VCAN: variants seen among roughly 807,000 people sequenced by gnomAD.
VCAN encodes the protein versican core protein.
Under a neutral mutation model 245.5 loss-of-function variants are expected in VCAN, and 44 were observed. The ratio of observed to expected loss-of-function variants is 0.18; its 90% CI spans 0.14 to 0.23. The LOEUF is 0.23. VCAN is among the 10% of genes least tolerant of loss of function. VCAN has a pLI of 1.00. For missense variants in VCAN, 3,793 were observed against 4,057.9 expected (o/e 0.93, Z 1.77); for synonymous variants, 1,413 against 1,437.0 (o/e 0.98, Z 0.38).
At chr5:83,556,102 G>T (rs1379041089) in intron 12 of VCAN, among the ~76,000 whole-genome samples, 3 of 152,116 alleles carry the variant, frequency 2.0e-5, no homozygotes, top group Non-Finnish European at 2.9e-5. Context: ...GCTCCATCAT[G>T]GACACACTAC....
At chr5:83,476,425 G>C (rs574220313) in intron 1 of VCAN, among the ~76,000 whole-genome samples, 4 of 152,286 alleles carry the variant, frequency 2.6e-5, no homozygotes, top group African/African-American at 9.6e-5. Flanking sequence ...CACCACCCAC[G>C]TAGAGAAACC....
chr5:83,509,707 A>C (rs1343353676), intron 5 of VCAN, among the ~76,000 whole-genome samples: 2 of 152,178 alleles, frequency 1.3e-5, no homozygotes. Flanking sequence ...CTCAGGGAAA[A>C]CTGTTGGCAC....
intron 7 of VCAN, among the ~76,000 whole-genome samples, chr5:83,530,159 T>G (rs1270472206): frequency 6.6e-6 from 1 of 152,150 alleles, no homozygotes; most frequent in Non-Finnish European, 1.5e-5. Context: ...AAGAGTAGAA[T>G]TTATTAGCTT....
At position 83,542,137 on chromosome 5, in the gene VCAN, C is replaced by G. The variant is rs73148633; in HGVS notation, c.9134C>G (p.Thr3045Arg). The change falls in exon 8 of 15, where the codon ACA (threonine) becomes AGA (arginine). Residue 3045 changes from threonine (T) to arginine (R), a missense_variant. Thr to Arg is a moderately conservative substitution (Grantham distance 71, BLOSUM62 -1). Around this residue, in one of 5 missense-constraint regions of VCAN, gnomAD observed 3,182 missense variants for 3,250.3 expected, o/e 0.98. Coordinates refer to ENST00000265077, the MANE Select transcript of VCAN (RefSeq NM_004385.5). ...ATTCTTGATTCCAATGATCAGGCAA[C>G]AGTAAACCCTGTGGAATTTAATACT... ...ARILDSNDQA[T>R]VNPVEFNTEV... 132 of 1,614,100 alleles carry G rather than the reference C, an allele frequency of 8.2e-5. 1 individual carries two copies. The African/African-American group carries it at 1.7e-3, about 20-fold the overall frequency.
chr5:83,538,156 C>T lies in VCAN; in HGVS notation c.5153C>T (p.Thr1718Ile), dbSNP rs1423113668. 3 of 1,613,744 alleles carry T rather than the reference C, an allele frequency of 1.9e-6. No homozygotes were observed. The highest frequency in any genetic ancestry group is 1.3e-5 in the African/African-American group (1 of 74,882). The change falls in exon 8 of 15, where the codon ACC (threonine) becomes ATC (isoleucine). Residue 1718 changes from threonine to isoleucine, a missense_variant. This residue lies in a region of VCAN where 3,182 missense variants were observed against 3,250.3 expected (regional missense o/e 0.98). Transcript: ENST00000265077. Reference sequence around the variant, plus strand: ...GACACTTCTGAGTGGATTTCCAGTACCACTGTTGAGGAAAAGAAAAGGAAG... The same window carrying T: ...GACACTTCTGAGTGGATTTCCAGTATCACTGTTGAGGAAAAGAAAAGGAAG... ...ETDTSEWISSTTVEEKKRKEE... is the reference protein window; with the variant it reads ...ETDTSEWISSITVEEKKRKEE...
At chr5:83,570,825 C>CT (rs5869186) in intron 12 of VCAN, among the ~76,000 whole-genome samples, 15 of 145,970 alleles carry the variant, frequency 1.0e-4, no homozygotes, top group Non-Finnish European at 1.8e-4. Context: ...TGGACCTTCC[C>CT]TTTTTTTTTT....
At chr5:83,544,834 C>T (rs943290381) in intron 8 of VCAN, 6 of 152,098 alleles carry the variant, frequency 3.9e-5, no homozygotes, top group Admixed American at 6.6e-5. Context: ...CCAGGAGTGT[C>T]GGTTTTATTT....
chr5:83,512,066 A>T (rs767843197), intron 5 of VCAN, 37 bp from the exon 6 acceptor site: 1 of 1,612,766 alleles, frequency 6.2e-7, no homozygotes, highest in South Asian at 1.1e-5. Context: ...AATGAATAAT[A>T]AAACTTTGGG....
At chr5:83,487,592 G>A (rs1364892631) in intron 2 of VCAN, among the ~76,000 whole-genome samples, 2 of 152,084 alleles carry the variant, frequency 1.3e-5, no homozygotes, top group East Asian at 1.9e-4. Context: ...CATTAAGACC[G>A]AAGATTTAAT....
At position 83,538,814 on chromosome 5, in the gene VCAN, C is replaced by A; in HGVS notation, c.5811C>A (p.Asp1937Glu). Residue 1937 changes from aspartate (D) to glutamate (E), a missense_variant, in exon 8 of 15, where the codon GAC becomes GAA. Around this residue, in one of 5 missense-constraint regions of VCAN, gnomAD observed 3,182 missense variants for 3,250.3 expected, o/e 0.98. Transcript: ENST00000265077. ...CTTTGGAGGAAGATTTCAGTGGTGA[C>A]TTTAGAGAATACTCAACAGTGTCTC... is the stretch of plus-strand genomic sequence containing the variant. ...GFPLEEDFSG[D>E]FREYSTVSHP... The A allele has an allele frequency of 6.2e-7, 1 of 1,613,890 alleles. No individual in the cohort carries two copies. Among genetic ancestry groups the A allele is most frequent in the Non-Finnish European group, 8.5e-7 (1 of 1,179,950 alleles).
In VCAN at chr5:83,541,079, C is replaced by A. The variant is rs1309011406; in HGVS notation, c.8076C>A (p.Ser2692=). The change falls in exon 8 of 15, where the codon TCC becomes TCA. Residue 2692 remains serine, a synonymous_variant. Coordinates refer to ENST00000265077, the MANE Select transcript of VCAN (RefSeq NM_004385.5). ...ELDVLLPTAT[S]LPIPRKSATV... ...ACGTTTTACTTCCCACGGCAACATCCCTGCCAATTCCTCGTAAGTCTGCCA... is the reference window on the plus strand; with the variant it reads ...ACGTTTTACTTCCCACGGCAACATCACTGCCAATTCCTCGTAAGTCTGCCA... 1.9e-6 allele frequency: 3 copies of A among 1,613,892 alleles called. No homozygotes were observed. Among genetic ancestry groups the A allele is most frequent in the African/African-American group, 2.7e-5 (2 of 74,872 alleles).
At chr5:83,558,551 T>G (rs1747756184) in intron 12 of VCAN, among the ~76,000 whole-genome samples, 1 of 152,146 alleles carries the variant, frequency 6.6e-6, no homozygotes, top group Admixed American at 6.6e-5. Context: ...TACAATCCAG[T>G]AAGAAGAAAC....
At chr5:83,510,426 A>G (rs1220145554) in intron 5 of VCAN, among the ~76,000 whole-genome samples, 1 of 152,220 alleles carries the variant, frequency 6.6e-6, no homozygotes, top group Admixed American at 6.5e-5. Flanking sequence ...TGAAGATCCA[A>G]ATCATGACAG....
chr5:83,515,719 T>C (rs1229336558), intron 6 of VCAN, among the ~76,000 whole-genome samples: 1 of 152,188 alleles, frequency 6.6e-6, no homozygotes, highest in Non-Finnish European at 1.5e-5. Context: ...CTAAATTAAT[T>C]CCCACCACTT....
chr5:83,525,036 T>C (rs1746239905), intron 7 of VCAN, among the ~76,000 whole-genome samples: 1 of 147,058 alleles, frequency 6.8e-6, no homozygotes, highest in Admixed American at 7.0e-5. Context: ...CAGCGAGTCA[T>C]ATAAATCTTG....
Position 83,580,103 on chromosome 5 carries a change from C to T in VCAN, c.10004C>T (p.Pro3335Leu). 1 of 1,614,010 alleles carries T rather than the reference C, an allele frequency of 6.2e-7. No homozygotes were observed. The highest frequency in any genetic ancestry group is 8.5e-7 in the Non-Finnish European group (1 of 1,179,978). Reference sequence around the variant, plus strand: ...GATGGTTTCATTCAACGTCACCTTCCAACTATCCGGTGCTTAGGAAATGGA... The same window carrying T: ...GATGGTTTCATTCAACGTCACCTTCTAACTATCCGGTGCTTAGGAAATGGA... ...CKDGFIQRHL[P>L]TIRCLGNGRW... Residue 3335 changes from proline (P) to leucine (L), a missense_variant, in exon 14 of 15, where the codon CCA becomes CTA. Pro to Leu is a moderately conservative substitution (Grantham distance 98, BLOSUM62 -3). Transcript: ENST00000265077.
chr5:83,525,057 T>TC (rs1746242164), intron 7 of VCAN, among the ~76,000 whole-genome samples: 1 of 151,770 alleles, frequency 6.6e-6, no homozygotes, highest in African/African-American at 2.4e-5. Context: ...TTTTTTTTTT[T>TC]TTTTTTACTA....
At position 83,499,804 on chromosome 5, in the gene VCAN, G is replaced by T. The variant is rs118097498; in HGVS notation, c.748+5873G>T. ...TACTGTTTCTTGGTGTCAGAGTCCAGGATGGCTTTGTCACCTCTGTGACTT... is the reference window on the plus strand; with the variant it reads ...TACTGTTTCTTGGTGTCAGAGTCCATGATGGCTTTGTCACCTCTGTGACTT... On this transcript the variant is annotated intron_variant, in intron 5 of 14. Transcript: ENST00000265077. 3.7e-4 allele frequency among the ~76,000 whole-genome samples: 56 copies of T among 152,150 alleles called. No individual in the cohort carries two copies. The East Asian group carries it at 9.8e-3, about 27-fold the overall frequency.
At chr5:83,504,330 A>G (rs180680194) in intron 5 of VCAN, among the ~76,000 whole-genome samples, 2 of 152,044 alleles carry the variant, frequency 1.3e-5, no homozygotes, top group African/African-American at 2.4e-5. Context: ...GCTCTGTTGT[A>G]TATCATATTT....
Sources: gnomAD v4.1 joint callset for allele counts (sites outside exome capture counted in the v4.1 genomes callset) on GRCh38, gnomAD v4.1.1 for gene constraint, gnomAD v4.1.1 regional missense constraint, MANE v1.5 for transcripts, NCBI Gene and HGNC (gene_info 2026-07-23, HGNC 2026-07-21) for gene names.